The following UNC93A variants were observed in gnomAD, a reference collection of about 807,000 sequenced individuals.
UNC93A encodes the protein unc-93 homolog A, also known as N-acetylglucosamine transporter UNC93A.
A neutral mutation model predicts 47.5 loss-of-function variants in UNC93A; 43 were observed. That is an observed-to-expected ratio of 0.91 (90% CI 0.71 to 1.17). UNC93A has a LOEUF of 1.17. Among genes scored for constraint, UNC93A ranks in the 50% most tolerant of loss-of-function variants. UNC93A has a pLI of 0.00. For missense variants in UNC93A, 605 were observed against 577.6 expected (o/e 1.05, Z -0.49); for synonymous variants, 280 against 258.0 (o/e 1.09, Z -0.82).
At chr6:167,284,692 G>A (rs1330062335) in intron 1 of UNC93A, among the ~76,000 whole-genome samples, 1 of 152,280 alleles carries the variant, frequency 6.6e-6, no homozygotes, top group African/African-American at 2.4e-5. Flanking sequence ...GGGATTCCTT[G>A]GAAAAACAGA....
In UNC93A at chr6:167,276,763, C is replaced by CAA. The variant is rs35925589; in HGVS notation, c.-52+5312_-52+5313dup. Among the ~76,000 whole-genome samples the CAA allele has an allele frequency of 3.3e-3, 497 of 151,750 alleles. 14 individuals carry two copies. The highest frequency in any genetic ancestry group is 0.028 in the Admixed American group (424 of 15,276). ...TTGTCCTCCCTTTCTCAAGTCTAAG[C>CAA]AAAAAAAATGTATTTATGGGTAGCA... On this transcript the variant is annotated intron_variant, in intron 1 of 3. Coordinates refer to the UNC93A transcript ENST00000503433.
rs371486579 is a variant in UNC93A, at chr6:167,305,558, G to GT, written c.841-347dup. On this transcript the variant is annotated intron_variant, in intron 5 of 7. Coordinates refer to ENST00000230256, the MANE Select transcript of UNC93A (RefSeq NM_018974.4). Reference sequence around the variant, plus strand: ...CTTTTCATTTTCTCTTTCTCTCTCTGTTTTTTTTTTAACTCTCTTTAGACC... The same window carrying GT: ...CTTTTCATTTTCTCTTTCTCTCTCTGTTTTTTTTTTTAACTCTCTTTAGACC... Among the ~76,000 whole-genome samples the GT allele has an allele frequency of 3.3e-3, 498 of 149,752 alleles. 2 individuals carry two copies. Among genetic ancestry groups the GT allele is most frequent in the African/African-American group, 4.4e-3 (178 of 40,844 alleles).
In UNC93A at chr6:167,304,043, G is replaced by T; in HGVS notation, c.750G>T (p.Lys250Asn). The T allele has an allele frequency of 6.2e-7, 1 of 1,614,042 alleles. No homozygotes were observed. Among genetic ancestry groups the T allele is most frequent in the Non-Finnish European group, 8.5e-7 (1 of 1,180,018 alleles). The change falls in exon 5 of 8, where the codon AAG becomes AAT. Residue 250 changes from lysine (K) to asparagine (N), a missense_variant. By Grantham distance (94) the Lys-to-Asn change is moderately conservative. Coordinates refer to ENST00000230256, the MANE Select transcript of UNC93A (RefSeq NM_018974.4). ...GGTCCACTTTACTGTCGACTTTCAA[G>T]CTATATAGAGATAAACGTCTGTGCC... ...PFWSTLLSTF[K>N]LYRDKRLCLL...
chr6:167,275,309 C>A (rs1783521120), intron 1 of UNC93A, among the ~76,000 whole-genome samples: 1 of 152,242 alleles, frequency 6.6e-6, no homozygotes, highest in Non-Finnish European at 1.5e-5. Flanking sequence ...AACAGTGAGG[C>A]AGGTGGCTTC....
In UNC93A at chr6:167,307,836, A is replaced by C. The variant is rs1259633057; in HGVS notation, c.1034A>C (p.Asp345Ala). ...IALLLWRPRA[D>A]HLAVFFVFSG... ...CTACTGCTGTGGAGACCTCGTGCTGACCATCTGGCAGTGTTCTTCGTATTC... is the reference window on the plus strand; with the variant it reads ...CTACTGCTGTGGAGACCTCGTGCTGCCCATCTGGCAGTGTTCTTCGTATTC... The change falls in exon 7 of 8, where the codon GAC (aspartate) becomes GCC (alanine). Residue 345 changes from aspartate to alanine, a missense_variant. Transcript: ENST00000230256. 1.2e-6 allele frequency: 2 copies of C among 1,613,932 alleles called. No homozygotes were observed. Among genetic ancestry groups the C allele is most frequent in the African/African-American group, 2.7e-5 (2 of 74,880 alleles).
At position 167,297,933 on chromosome 6, in the gene UNC93A, C is replaced by G. The variant is rs772112246; in HGVS notation, c.500-12C>G. ...CGTCATCTCATGTCTCCTGTCCACT[C>G]TGACTTCATAGAGACCCTTCCAGAA... On this transcript the variant is annotated splice_polypyrimidine_tract_variant and intron_variant, in intron 3 of 7. Coordinates refer to ENST00000230256, the MANE Select transcript of UNC93A (RefSeq NM_018974.4). The G allele has an allele frequency of 3.1e-6, 5 of 1,613,074 alleles. No homozygotes were observed. The highest frequency in any genetic ancestry group is 3.4e-6 in the Non-Finnish European group (4 of 1,179,742).
chr6:167,279,979 G>T (rs1043240333), intron 1 of UNC93A, among the ~76,000 whole-genome samples: 4 of 152,206 alleles, frequency 2.6e-5, no homozygotes, highest in South Asian at 2.1e-4. Flanking sequence ...ACCATTCACT[G>T]TGAGATTGTG....
upstream of UNC93A, among the ~76,000 whole-genome samples, chr6:167,290,430 C>A (rs902447542): frequency 1.3e-4 from 20 of 152,126 alleles, no homozygotes; most frequent in African/African-American, 4.3e-4. Context: ...TAGATCTAAT[C>A]TAGACAGAAA....
chr6:167,280,188 G>C (rs762706808), intron 1 of UNC93A, among the ~76,000 whole-genome samples: 1 of 152,204 alleles, frequency 6.6e-6, no homozygotes, highest in Non-Finnish European at 1.5e-5. Flanking sequence ...CGAGGATGAG[G>C]TCTCAGGATC....
Position 167,301,016 on chromosome 6 carries a change from A to G in UNC93A, c.626-2903A>G, listed in dbSNP as rs143281743. ...ATTGTCTTTGTAATGGGAAAAAGCCATAGACAACATGTAAGCAAATGAGCA... is the reference window on the plus strand; with the variant it reads ...ATTGTCTTTGTAATGGGAAAAAGCCGTAGACAACATGTAAGCAAATGAGCA... On this transcript the variant is annotated intron_variant, in intron 4 of 7. Coordinates refer to ENST00000230256, the MANE Select transcript of UNC93A (RefSeq NM_018974.4). Among the ~76,000 whole-genome samples, 76 of 152,398 alleles carry G rather than the reference A, an allele frequency of 5.0e-4. 1 individual carries two copies. The East Asian group carries it at 0.013, about 25-fold the overall frequency.
In UNC93A at chr6:167,304,049, T is replaced by C. The variant is rs1778313899; in HGVS notation, c.756T>C (p.Tyr252=). Residue 252 remains tyrosine (Y), a synonymous_variant, in exon 5 of 8, where the codon TAT becomes TAC. Coordinates refer to ENST00000230256, the MANE Select transcript of UNC93A (RefSeq NM_018974.4). ...CTTTACTGTCGACTTTCAAGCTATA[T>C]AGAGATAAACGTCTGTGCCTCTTAA... ...WSTLLSTFKL[Y]RDKRLCLLIL... is the part of the protein sequence containing the mutation. 6.2e-7 allele frequency: 1 copy of C among 1,614,082 alleles called. No individual in the cohort carries two copies. Among genetic ancestry groups the C allele is most frequent in the African/African-American group, 1.3e-5 (1 of 74,988 alleles).
intron 1 of UNC93A, among the ~76,000 whole-genome samples, chr6:167,285,890 A>G (rs206991): frequency 0.69 from 104,036 of 150,280 alleles, 36,792 homozygotes; most frequent in African/African-American, 0.78. Flanking sequence ...GAGTAAACAT[A>G]CCCCTTTCCT....
chr6:167,311,138 TC>T (rs2115181120), intron 7 of UNC93A, among the ~76,000 whole-genome samples: 1 of 152,358 alleles, frequency 6.6e-6, no homozygotes, highest in South Asian at 2.1e-4. Flanking sequence ...AAGTTAGATT[TC>T]TAATCCTATT....
chr6:167,289,004 A>T (rs1783793794), upstream of UNC93A, among the ~76,000 whole-genome samples: 1 of 152,300 alleles, frequency 6.6e-6, no homozygotes, highest in Non-Finnish European at 1.5e-5. Context: ...AATTTTAAGG[A>T]CTGAAGTGGC....
Position 167,297,608 on chromosome 6 carries a change from T to C in UNC93A, c.500-337T>C, listed in dbSNP as rs572145267. 5.3e-5 allele frequency among the ~76,000 whole-genome samples: 8 copies of C among 152,356 alleles called. No individual in the cohort carries two copies. In the South Asian group the frequency reaches 1.7e-3, roughly 32 times the overall value. ...TGGCACCCAATCTCATGTACTTTTT[T>C]CTTTTTGACTAATTTTGAAAACTTG... On this transcript the variant is annotated intron_variant, in intron 3 of 7. Coordinates refer to ENST00000230256, the MANE Select transcript of UNC93A (RefSeq NM_018974.4).
chr6:167,286,098 A>C (rs1783727921), intron 1 of UNC93A, among the ~76,000 whole-genome samples: 1 of 151,442 alleles, frequency 6.6e-6, no homozygotes, highest in Non-Finnish European at 1.5e-5. Flanking sequence ...TTATATTCAC[A>C]TATGTATATA....
chr6:167,307,352 G>A (rs1345152176), intron 6 of UNC93A, among the ~76,000 whole-genome samples: 1 of 152,224 alleles, frequency 6.6e-6, no homozygotes, highest in African/African-American at 2.4e-5. Flanking sequence ...CAACTAAAAA[G>A]ACGACTTCCA....
chr6:167,301,714 T>C (rs1050880769), intron 4 of UNC93A, among the ~76,000 whole-genome samples: 10 of 152,186 alleles, frequency 6.6e-5, no homozygotes, highest in African/African-American at 2.2e-4. Context: ...TTGTAGGTTG[T>C]GTCCTATTGG....
intron 7 of UNC93A, among the ~76,000 whole-genome samples, chr6:167,313,715 G>C (rs2294235): frequency 3.9e-4 from 59 of 151,942 alleles, no homozygotes; most frequent in African/African-American, 1.4e-3. Flanking sequence ...GGGTGTAGCC[G>C]GGAGCTTTTA....
Sources: gnomAD v4.1 joint callset for allele counts (sites outside exome capture counted in the v4.1 genomes callset) on GRCh38, gnomAD v4.1.1 for gene constraint, MANE v1.5 for transcripts, NCBI Gene and HGNC (gene_info 2026-07-23, HGNC 2026-07-21) for gene names.